The following AIG1 variants were observed in gnomAD, a reference collection of about 807,000 sequenced individuals.
AIG1 encodes androgen-induced gene 1 protein.
A neutral mutation model predicts 31.4 loss-of-function variants in AIG1; 23 were observed. The ratio of observed to expected loss-of-function variants is 0.73; its 90% CI spans 0.53 to 1.04. The LOEUF (loss-of-function observed/expected upper bound fraction) is 1.04, where lower values mean the gene tolerates loss of function less well. Among genes scored for constraint, AIG1 ranks in the 50% least tolerant of loss-of-function variants. The pLI is 0.00. For synonymous variants in AIG1, 100 were observed against 110.5 expected (o/e 0.90, Z 0.60); for missense variants, 274 against 295.0 (o/e 0.93, Z 0.52).
chr6:143,303,440 A>C (rs1250117871), intron 4 of AIG1, among the ~76,000 whole-genome samples: 4 of 151,752 alleles, frequency 2.6e-5, no homozygotes, highest in Non-Finnish European at 4.4e-5. Flanking sequence ...AGCTTTCTAC[A>C]TATGGCTAGC....
intron 1 of AIG1, among the ~76,000 whole-genome samples, chr6:143,119,710 G>A (rs866872686): frequency 1.3e-5 from 2 of 152,134 alleles, no homozygotes; most frequent in African/African-American, 4.8e-5. Flanking sequence ...AGAAGCCTTC[G>A]TTCCTGTCTG....
In AIG1 at chr6:143,091,984, A is replaced by G. The variant is rs552781961; in HGVS notation, c.141+30918A>G. 8.3e-4 allele frequency among the ~76,000 whole-genome samples: 126 copies of G among 152,320 alleles called. 1 individual carries two copies. Among genetic ancestry groups the G allele is most frequent in the African/African-American group, 3.0e-3 (124 of 41,568 alleles). ...GCTTTTTAGGTGTATTAGTAATATTAATAAAATAATATTTTACCTAAAAAA... is the reference window on the plus strand; with the variant it reads ...GCTTTTTAGGTGTATTAGTAATATTGATAAAATAATATTTTACCTAAAAAA... On this transcript the variant is annotated intron_variant, in intron 1 of 5. Coordinates refer to ENST00000357847, the MANE Select transcript of AIG1 (RefSeq NM_016108.4).
intron 3 of AIG1, among the ~76,000 whole-genome samples, chr6:143,259,265 A>G (rs1795574437): frequency 6.6e-6 from 1 of 152,220 alleles, no homozygotes; most frequent in Admixed American, 6.5e-5. Context: ...GCAACACAAA[A>G]CAGACTAAGA....
Position 143,173,971 on chromosome 6 carries a change from G to T in AIG1, c.399+8788G>T, listed in dbSNP as rs568743464. Among the ~76,000 whole-genome samples the T allele has an allele frequency of 8.5e-5, 13 of 152,284 alleles. No individual in the cohort carries two copies. The South Asian group carries it at 2.7e-3, about 32-fold the overall frequency. On this transcript the variant is annotated intron_variant, in intron 3 of 5. Transcript: ENST00000357847. ...TTTCTGTGTTGATGACCAGTCTAGT[G>T]CTGTCAGTGGAGTATTGAAGTCCCG...
chr6:143,131,217 T>G (rs1360183854), intron 1 of AIG1, among the ~76,000 whole-genome samples: 1 of 152,242 alleles, frequency 6.6e-6, no homozygotes, highest in East Asian at 1.9e-4. Context: ...TTTTGTTCCA[T>G]TTATTCTTTC....
At chr6:143,178,106 G>T (rs183654292) in intron 3 of AIG1, among the ~76,000 whole-genome samples, 1 of 152,168 alleles carries the variant, frequency 6.6e-6, no homozygotes, top group Non-Finnish European at 1.5e-5. Flanking sequence ...TGAGGAGTGC[G>T]TGCATTGCCT....
intron 3 of AIG1, chr6:143,190,513 A>G (rs911341671): frequency 2.0e-6 from 2 of 985,062 alleles, no homozygotes; most frequent in African/African-American, 3.5e-5. Flanking sequence ...TATGTTCAGA[A>G]TTTCATTGTC....
intron 3 of AIG1, among the ~76,000 whole-genome samples, chr6:143,275,626 T>G (rs1230861322): frequency 6.6e-6 from 1 of 152,166 alleles, no homozygotes; most frequent in African/African-American, 2.4e-5. Context: ...GAATGAATGC[T>G]GTCCTTTACC....
intron 1 of AIG1, among the ~76,000 whole-genome samples, chr6:143,113,664 T>C (rs1781485410): frequency 6.6e-6 from 1 of 152,060 alleles, no homozygotes; most frequent in African/African-American, 2.4e-5. Flanking sequence ...TCATAAGCTG[T>C]CCCTTACGCT....
At chr6:143,183,019 G>A (rs1465502806) in intron 3 of AIG1, among the ~76,000 whole-genome samples, 1 of 152,192 alleles carries the variant, frequency 6.6e-6, no homozygotes, top group Non-Finnish European at 1.5e-5. Flanking sequence ...GTCTTTTTGT[G>A]CATATTATAT....
intron 3 of AIG1, among the ~76,000 whole-genome samples, chr6:143,200,429 A>G (rs1318609687): frequency 6.6e-6 from 1 of 152,072 alleles, no homozygotes; most frequent in Non-Finnish European, 1.5e-5. Context: ...CTGAATTCTC[A>G]GTACTTCCTT....
intron 3 of AIG1, chr6:143,189,745 G>A: frequency 2.0e-6 from 2 of 985,174 alleles, no homozygotes; most frequent in Non-Finnish European, 2.4e-6. Context: ...CTAATTTAGA[G>A]CCCTCTTATA....
chr6:143,109,844 G>T (rs1487315953), intron 1 of AIG1, among the ~76,000 whole-genome samples: 1 of 151,998 alleles, frequency 6.6e-6, no homozygotes, highest in African/African-American at 2.4e-5. Flanking sequence ...CCCTCTTTAT[G>T]ACATCTTTTG....
rs539908881 is a variant in AIG1 at position 143,176,176 on chromosome 6, C to T, written c.399+10993C>T. Reference sequence around the variant, plus strand: ...GTTATCTGTCTCCAGGTCCCTCAGCCGTGGATCCCAGCACCTGCTCTGGTG... The same window carrying T: ...GTTATCTGTCTCCAGGTCCCTCAGCTGTGGATCCCAGCACCTGCTCTGGTG... On this transcript the variant is annotated intron_variant, in intron 3 of 5. Coordinates refer to ENST00000357847, the MANE Select transcript of AIG1 (RefSeq NM_016108.4). Among the ~76,000 whole-genome samples the T allele has an allele frequency of 6.6e-5, 10 of 152,276 alleles. 1 individual carries two copies. The South Asian group carries it at 1.7e-3, about 25-fold the overall frequency.
Position 143,333,377 on chromosome 6 carries a change from C to G in AIG1, c.611C>G (p.Thr204Ser). The change falls in exon 5 of 6, where the codon ACC becomes AGC. Residue 204 changes from threonine to serine, a missense_variant. Around this residue, in one of 2 missense-constraint regions of AIG1, gnomAD observed 31 missense variants for 56.5 expected, o/e 0.55. Coordinates refer to ENST00000357847, the MANE Select transcript of AIG1 (RefSeq NM_016108.4). This position sits in a 1 kb window ranked among gnomAD's most constrained non-coding sequence, Gnocchi z 4.6. Reference sequence around the variant, plus strand: ...AGAATCATCTTCTTTGGGTCTACAACCATCTTAATGAACTTCCTGTACCTG... The same window carrying G: ...AGAATCATCTTCTTTGGGTCTACAAGCATCTTAATGAACTTCCTGTACCTG... ...GARIIFFGST[T>S]ILMNFLYLLG... is the part of the protein sequence containing the mutation. 1 of 1,614,048 alleles carries G rather than the reference C, an allele frequency of 6.2e-7. No individual in the cohort carries two copies. The highest frequency in any genetic ancestry group is 8.5e-7 in the Non-Finnish European group (1 of 1,179,968).
intron 1 of AIG1, among the ~76,000 whole-genome samples, chr6:143,125,118 C>A (rs1782585709): frequency 6.6e-6 from 1 of 152,104 alleles, no homozygotes. Flanking sequence ...GTTAAATTAT[C>A]TTCTGTTGAA....
At chr6:143,232,902 ACTTAAAGCGATGTC>A (rs1475424959) in intron 3 of AIG1, among the ~76,000 whole-genome samples, 2 of 152,106 alleles carry the variant, frequency 1.3e-5, no homozygotes, top group African/African-American at 2.4e-5. Flanking sequence ...GGACATAGAC[ACTTAAAGCGATGTC>A]CTTTCAGAGT....
chr6:143,146,587 C>T (rs986738511), intron 2 of AIG1, among the ~76,000 whole-genome samples: 1 of 151,918 alleles, frequency 6.6e-6, no homozygotes, highest in South Asian at 2.1e-4. Flanking sequence ...CTCATCCCTC[C>T]GCCCTAAACA....
intron 1 of AIG1, among the ~76,000 whole-genome samples, chr6:143,097,483 A>G (rs1389925258): frequency 2.0e-5 from 3 of 152,194 alleles, no homozygotes; most frequent in African/African-American, 7.2e-5. Context: ...CCTGTACACT[A>G]GCAGCTAAGA....
Sources: allele counts gnomAD v4.1 joint callset (sites outside exome capture counted in the v4.1 genomes callset), GRCh38; gene constraint gnomAD v4.1.1; regional missense constraint gnomAD v4.1.1; non-coding constraint Gnocchi (gnomAD v3.1); transcripts MANE v1.5; gene names NCBI Gene and HGNC (gene_info 2026-07-23, HGNC 2026-07-21).